BCL2L11: variants seen among roughly 807,000 people sequenced by gnomAD.
BCL2L11 encodes the protein BCL2 like 11.
BCL2L11 carries 15 observed loss-of-function variants against 20.6 expected under a neutral mutation model. The observed-to-expected ratio is 0.73, with a 90% confidence interval of 0.49 to 1.12. BCL2L11 has a LOEUF of 1.12. Among genes scored for constraint, BCL2L11 ranks in the 50% most tolerant of loss-of-function variants. The pLI is 0.00. For synonymous variants in BCL2L11, 108 were observed against 92.8 expected (o/e 1.16, Z -0.94); for missense variants, 292 against 260.9 (o/e 1.12, Z -0.82).
chr2:111,157,290 C>T (rs1304504446), intron 3 of BCL2L11, among the ~76,000 whole-genome samples: 1 of 152,144 alleles, frequency 6.6e-6, no homozygotes, highest in African/African-American at 2.4e-5. Flanking sequence ...TGAAGATGCA[C>T]ACAAACTAAG....
Position 111,151,840 on chromosome 2 carries a change from T to C in BCL2L11, c.498+1693T>C, listed in dbSNP as rs114858291. The C allele has an allele frequency of 1.6e-3, 2,428 of 1,549,394 alleles. 46 individuals carry two copies. In the African/African-American group the frequency reaches 0.031, roughly 20 times the overall value. ...TCTTAAGCTGGCAAAACTCCTGGCA[T>C]CCTCCACCTGACATAAACCAGTTCA... On this transcript the variant is annotated intron_variant, in intron 3 of 3. Transcript: ENST00000393256.
In BCL2L11 at chr2:111,158,918, C is replaced by CCGGA. The variant is rs138838355; in HGVS notation, c.499-5214_499-5213insGGAC. Among the ~76,000 whole-genome samples, 351 of 152,196 alleles carry CCGGA rather than the reference C, an allele frequency of 2.3e-3. 3 individuals carry two copies. Among genetic ancestry groups the CCGGA allele is most frequent in the African/African-American group, 8.0e-3 (333 of 41,508 alleles). ...CATTTGCGCTTTCTTAATTTAAGTC[C>CCGGA]CCTTTGAGCCATGCTATGTCTAGGT... On this transcript the variant is annotated intron_variant, in intron 3 of 3. Coordinates refer to ENST00000393256, the MANE Select transcript of BCL2L11 (RefSeq NM_138621.5).
intron 3 of BCL2L11, chr2:111,153,947 TGC>T (rs1476440575): frequency 3.1e-5 from 45 of 1,467,574 alleles, no homozygotes; most frequent in Non-Finnish European, 3.5e-5. Flanking sequence ...TCTCTCCCGA[TGC>T]AGTGTCATTC....
intron 3 of BCL2L11, among the ~76,000 whole-genome samples, chr2:111,155,549 C>T (rs979254746): frequency 6.6e-6 from 1 of 152,180 alleles, no homozygotes; most frequent in Admixed American, 6.5e-5. Flanking sequence ...CATTCTGCAA[C>T]CAACATGCCT....
chr2:111,142,328 C>G (rs1409618709), intron 2 of BCL2L11: 2 of 1,550,460 alleles, frequency 1.3e-6, no homozygotes, highest in Middle Eastern at 1.7e-4. Flanking sequence ...TCCGCTGGAT[C>G]CTCCCTCAGA....
intron 1 of BCL2L11, chr2:111,123,004 T>C: frequency 2.0e-6 from 2 of 984,776 alleles, no homozygotes; most frequent in Non-Finnish European, 2.4e-6. Context: ...TCGCCTAGCC[T>C]GCGGACCTAG....
intron 1 of BCL2L11, chr2:111,122,843 C>T (rs992376893): frequency 1.0e-6 from 1 of 985,444 alleles, no homozygotes; most frequent in Non-Finnish European, 1.2e-6. Flanking sequence ...AGGGGGCGCC[C>T]GGTCGGCGAA....
At chr2:111,156,575 A>T (rs2077879675) in intron 3 of BCL2L11, among the ~76,000 whole-genome samples, 2 of 152,118 alleles carry the variant, frequency 1.3e-5, no homozygotes, top group Admixed American at 1.3e-4. Context: ...TTCCCCTCAG[A>T]CTTTTGGGAG....
chr2:111,132,626 T>C (rs1252427232), intron 2 of BCL2L11, among the ~76,000 whole-genome samples: 6 of 152,312 alleles, frequency 3.9e-5, no homozygotes, highest in Middle Eastern at 3.4e-3. Context: ...TTGCTGGAAT[T>C]TTTTCATAAG....
At chr2:111,124,907 G>A (rs1226754183) in intron 2 of BCL2L11, among the ~76,000 whole-genome samples, 1 of 152,244 alleles carries the variant, frequency 6.6e-6, no homozygotes. Flanking sequence ...TTATTGCTCA[G>A]AGGGTTTGGA....
intron 1 of BCL2L11, chr2:111,123,159 G>A: frequency 3.0e-6 from 3 of 985,470 alleles, no homozygotes; most frequent in Non-Finnish European, 2.4e-6. Context: ...GGGAGCACGG[G>A]CGGAGAGAGC....
At chr2:111,143,873 CATT>C (rs1417382439) in intron 2 of BCL2L11, among the ~76,000 whole-genome samples, 1 of 152,186 alleles carries the variant, frequency 6.6e-6, no homozygotes, top group Non-Finnish European at 1.5e-5. Context: ...AGGCATAACA[CATT>C]AATCTTAATG....
At chr2:111,154,019 TC>T in intron 3 of BCL2L11, 1 of 1,179,372 alleles carries the variant, frequency 8.5e-7, no homozygotes, top group Non-Finnish European at 1.1e-6. Flanking sequence ...GTTTTACTAC[TC>T]CAGTGGATTT....
chr2:111,140,040 G>A (rs891701524), intron 2 of BCL2L11, among the ~76,000 whole-genome samples: 16 of 152,214 alleles, frequency 1.1e-4, no homozygotes, highest in Admixed American at 8.5e-4. Context: ...GACTGCAAGT[G>A]CTGTGTCTGT....
chr2:111,124,247 T>C, intron 2 of BCL2L11, 108 bp downstream of exon 2: 3 of 1,315,638 alleles, frequency 2.3e-6, no homozygotes, highest in African/African-American at 1.5e-5. Flanking sequence ...ACTGATTTAT[T>C]CCATCTTTAG....
At chr2:111,147,346 T>TCTCTCTCTCACACACACACA (rs760779894) in intron 2 of BCL2L11, among the ~76,000 whole-genome samples, 1 of 137,332 alleles carries the variant, frequency 7.3e-6, no homozygotes, top group Non-Finnish European at 1.5e-5. Flanking sequence ...TCTCTCTCTC[T>TCTCTCTCTCACACACACACA]CACACACACA....
At chr2:111,132,947 T>C (rs983989563) in intron 2 of BCL2L11, among the ~76,000 whole-genome samples, 2 of 152,198 alleles carry the variant, frequency 1.3e-5, no homozygotes, top group Non-Finnish European at 2.9e-5. Flanking sequence ...ATAACCCATG[T>C]CTCCAATTGC....
Position 111,137,989 on chromosome 2 carries a change from CTTTT to C in BCL2L11, c.395-12052_395-12049del, listed in dbSNP as rs759011454. Among the ~76,000 whole-genome samples the C allele has an allele frequency of 3.5e-3, 515 of 148,386 alleles. 4 individuals carry two copies. Among genetic ancestry groups the C allele is most frequent in the Non-Finnish European group, 5.6e-3 (378 of 67,270 alleles). ...TTTCGTTACAGGTGGGCTTTTCTCC[CTTTT>C]TTCTTTCTTTCTTTCTTTCTTTTTT... On this transcript the variant is annotated intron_variant, in intron 2 of 3. Transcript: ENST00000393256.
chr2:111,128,621 T>TTA lies in BCL2L11; in HGVS notation c.394+4482_394+4483insTA, dbSNP rs1559023166. On this transcript the variant is annotated intron_variant, in intron 2 of 3. Transcript: ENST00000393256. ...ACCAACACTTTTTTTTTTTTTTTTT[T>TTA]AACAGTAGTCATCCTAGAGGATATA... 1.0e-5 allele frequency: 15 copies of TTA among 1,482,832 alleles called. No homozygotes were observed. In the South Asian group the frequency reaches 1.6e-4, roughly 16 times the overall value. 91.9% of individuals were successfully genotyped at this position (1,482,832 alleles called of 1,614,324 possible). A position where few individuals can be genotyped will look rare whatever the true frequency, so the allele number is the denominator to read the frequency against.
Sources: allele counts gnomAD v4.1 joint callset (sites outside exome capture counted in the v4.1 genomes callset), GRCh38; gene constraint gnomAD v4.1.1; transcripts MANE v1.5; gene names NCBI Gene and HGNC (gene_info 2026-07-23, HGNC 2026-07-21).